Variants in ANGPT1 observed in about 807,000 individuals in gnomAD.
ANGPT1 encodes angiopoietin-1.
In ANGPT1, 17 loss-of-function variants were observed where a neutral mutation model predicts 62.2. That is an observed-to-expected ratio of 0.27 (90% confidence interval 0.19 to 0.41). The LOEUF is 0.41. Among genes scored for constraint, ANGPT1 ranks in the 10% least tolerant of loss-of-function variants. ANGPT1 has a pLI of 1.00. For synonymous variants in ANGPT1, 199 were observed against 198.9 expected (o/e 1.00, Z 0.00); for missense variants, 478 against 594.9 (o/e 0.80, Z 2.04).
chr8:107,367,696 C>T (rs952189436), intron 1 of ANGPT1, among the ~76,000 whole-genome samples: 1 of 152,134 alleles, frequency 6.6e-6, no homozygotes. Context: ...ATGTAATATT[C>T]TAAATCCTCT....
intron 1 of ANGPT1, among the ~76,000 whole-genome samples, chr8:107,438,064 G>A (rs28704648): frequency 6.6e-6 from 1 of 151,958 alleles, no homozygotes; most frequent in Non-Finnish European, 1.5e-5. Flanking sequence ...CTAAGCATCC[G>A]ATAGGTGCCA....
At chr8:107,399,768 C>T (rs1398049500) in intron 1 of ANGPT1, among the ~76,000 whole-genome samples, 2 of 152,086 alleles carry the variant, frequency 1.3e-5, no homozygotes, top group Non-Finnish European at 2.9e-5. Context: ...TCGGAAGAGT[C>T]AACACAGTGG....
chr8:107,318,949 C>G (rs1815086118), intron 4 of ANGPT1, among the ~76,000 whole-genome samples: 1 of 152,068 alleles, frequency 6.6e-6, no homozygotes, highest in South Asian at 2.1e-4. Flanking sequence ...TTTTAGAGAT[C>G]AGAAAATGGA....
chr8:107,342,888 T>A (rs1334006018), intron 2 of ANGPT1, among the ~76,000 whole-genome samples: 1 of 150,988 alleles, frequency 6.6e-6, no homozygotes, highest in Admixed American at 6.6e-5. Flanking sequence ...CATGCTGGAG[T>A]GCAGTGGTGT....
At chr8:107,438,195 T>G (rs191915462) in intron 1 of ANGPT1, among the ~76,000 whole-genome samples, 1 of 152,242 alleles carries the variant, frequency 6.6e-6, no homozygotes, top group African/African-American at 2.4e-5. Flanking sequence ...TAATGGCCCA[T>G]GTGAAATCCC....
At chr8:107,325,561 T>A (rs1356961449) in intron 3 of ANGPT1, among the ~76,000 whole-genome samples, 1 of 152,172 alleles carries the variant, frequency 6.6e-6, no homozygotes, top group Non-Finnish European at 1.5e-5. Flanking sequence ...GTTTTCCTAA[T>A]CAGTAGGTAA....
intron 1 of ANGPT1, among the ~76,000 whole-genome samples, chr8:107,447,615 T>C (rs139965952): frequency 3.3e-5 from 5 of 152,306 alleles, no homozygotes; most frequent in African/African-American, 1.2e-4. Context: ...TGGTAAGACA[T>C]TCTCACAGCC....
At chr8:107,254,107 C>G (rs1813305353) in intron 8 of ANGPT1, among the ~76,000 whole-genome samples, 1 of 152,028 alleles carries the variant, frequency 6.6e-6, no homozygotes. Context: ...AGTTTGCTTC[C>G]CAAATGACCG....
chr8:107,424,351 A>C (rs531994689), intron 1 of ANGPT1, among the ~76,000 whole-genome samples: 1 of 152,306 alleles, frequency 6.6e-6, no homozygotes, highest in South Asian at 2.1e-4. Context: ...TAATTTCAGG[A>C]GTTCATCAAA....
intron 5 of ANGPT1, chr8:107,294,717 T>A (rs997381376): frequency 2.0e-5 from 3 of 152,252 alleles, no homozygotes; most frequent in African/African-American, 7.2e-5. Context: ...GGAAAATTTA[T>A]ACAAATCTTT....
rs140444337 is a variant in ANGPT1, at chr8:107,455,997, A to C, written c.297+41265T>G. Among the ~76,000 whole-genome samples the C allele has an allele frequency of 4.6e-3, 702 of 152,178 alleles. 4 individuals are homozygous for C. Among genetic ancestry groups the C allele is most frequent in the African/African-American group, 0.016 (676 of 41,570 alleles). Reference sequence around the variant, plus strand: ...GTTGATCTTCATTGGTTTCCTGCCTACCATGTGAAATGTACCTCGGAGATC... The same window carrying C: ...GTTGATCTTCATTGGTTTCCTGCCTCCCATGTGAAATGTACCTCGGAGATC... On this transcript the variant is annotated intron_variant, in intron 1 of 8. Transcript: ENST00000517746.
At chr8:107,344,387 A>T (rs1815759478) in intron 2 of ANGPT1, among the ~76,000 whole-genome samples, 1 of 152,160 alleles carries the variant, frequency 6.6e-6, no homozygotes, top group Admixed American at 6.5e-5. Flanking sequence ...ACAGAGTGAG[A>T]AAAACACTGC....
intron 1 of ANGPT1, among the ~76,000 whole-genome samples, chr8:107,455,972 G>A (rs1296772279): frequency 6.6e-6 from 1 of 152,034 alleles, no homozygotes; most frequent in East Asian, 1.9e-4. Context: ...AAGTCAGAAA[G>A]TTGATCTTCA....
Position 107,497,456 on chromosome 8 carries a change from G to A in ANGPT1, c.103C>T (p.Arg35Trp). ...TAGGCACATTGCCCATGTTGAATCC[G>A]GTTATATCTTCTCCCACTGTTTTCT... is the stretch of plus-strand genomic sequence containing the variant. ...SPENSGRRYN[R>W]IQHGQCAYTF... The change falls in exon 1 of 9, where the codon CGG (arginine) becomes TGG (tryptophan). Residue 35 changes from arginine to tryptophan, a missense_variant. Coordinates refer to ENST00000517746, the MANE Select transcript of ANGPT1 (RefSeq NM_001146.5). The A allele has an allele frequency of 1.9e-6, 3 of 1,614,114 alleles. No individual in the cohort carries two copies. Among genetic ancestry groups the A allele is most frequent in the Non-Finnish European group, 2.5e-6 (3 of 1,180,030 alleles).
intron 4 of ANGPT1, 65 bp downstream of exon 4, chr8:107,321,831 T>G: frequency 7.2e-7 from 1 of 1,393,896 alleles, no homozygotes; most frequent in Non-Finnish European, 1.0e-6. Context: ...AAAGCTATAT[T>G]GAGTATTTAC....
intron 2 of ANGPT1, among the ~76,000 whole-genome samples, chr8:107,338,995 G>A (rs899281311): frequency 6.6e-6 from 1 of 151,966 alleles, no homozygotes; most frequent in Admixed American, 6.6e-5. Context: ...TTTCTTATTC[G>A]CCGTACTCTC....
chr8:107,327,494 T>C (rs942421763), intron 3 of ANGPT1, among the ~76,000 whole-genome samples: 1 of 152,126 alleles, frequency 6.6e-6, no homozygotes, highest in Non-Finnish European at 1.5e-5. Context: ...TGAACACCAG[T>C]GCACTGTTTC....
intron 1 of ANGPT1, among the ~76,000 whole-genome samples, chr8:107,354,529 G>T (rs957881781): frequency 6.6e-6 from 1 of 152,112 alleles, no homozygotes; most frequent in African/African-American, 2.4e-5. Flanking sequence ...AAGTACAAGA[G>T]TCTATAAGGT....
chr8:107,464,359 T>G (rs1812147063), intron 1 of ANGPT1, among the ~76,000 whole-genome samples: 1 of 152,132 alleles, frequency 6.6e-6, no homozygotes, highest in African/African-American at 2.4e-5. Flanking sequence ...TAAGACAAAT[T>G]TTGAATGTAA....
Sources: gnomAD v4.1 joint callset for allele counts (sites outside exome capture counted in the v4.1 genomes callset) on GRCh38, gnomAD v4.1.1 for gene constraint, MANE v1.5 for transcripts, NCBI Gene and HGNC (gene_info 2026-07-23, HGNC 2026-07-21) for gene names.